SLC12A8: variants seen among roughly 807,000 people sequenced by gnomAD.
SLC12A8 encodes solute carrier family 12 member 8, also known as cation-chloride cotransporter 9.
In SLC12A8, 69 loss-of-function variants were observed where a neutral mutation model predicts 75.6. The observed-to-expected ratio is 0.91, with a 90% confidence interval of 0.75 to 1.11. SLC12A8 has a LOEUF of 1.11. Ranked by LOEUF, SLC12A8 falls within the 50% of genes most tolerant of loss-of-function variation. SLC12A8 has a pLI of 0.00. For synonymous variants in SLC12A8, 365 were observed against 372.8 expected (o/e 0.98, Z 0.24); for missense variants, 877 against 896.7 (o/e 0.98, Z 0.28).
At chr3:125,111,638 AC>A (rs1456903669) in intron 8 of SLC12A8, among the ~76,000 whole-genome samples, 1 of 151,930 alleles carries the variant, frequency 6.6e-6, no homozygotes, top group Non-Finnish European at 1.5e-5. Context: ...GGCTCTCCTC[AC>A]CCCATTTTTT....
At chr3:125,199,366 T>C (rs535900181) in intron 2 of SLC12A8, among the ~76,000 whole-genome samples, 3 of 152,176 alleles carry the variant, frequency 2.0e-5, no homozygotes, top group Non-Finnish European at 1.5e-5. Flanking sequence ...TTTCTGTAAG[T>C]GTAAAATTTT....
chr3:125,110,073 C>A, intron 9 of SLC12A8, 116 bp downstream of exon 9: 2 of 1,140,464 alleles, frequency 1.8e-6, no homozygotes, highest in Admixed American at 2.2e-5. Flanking sequence ...CTGTGTCACC[C>A]CAAAGAAATT....
chr3:125,083,626 G>C lies in SLC12A8; in HGVS notation c.*264C>G. On this transcript the variant is annotated 3_prime_UTR_variant, in exon 14 of 14. Coordinates refer to ENST00000469902, the MANE Select transcript of SLC12A8 (RefSeq NM_024628.6). The stretch of plus-strand genomic sequence containing the variant: ...AATCCCAGCTACTCAGGAGGCTGAG[G>C]CAGGAGAATTGCTTGAACTCGGGAA... The C allele has an allele frequency of 2.9e-6, 1 of 341,448 alleles. No homozygotes were observed. The highest frequency in any genetic ancestry group is 5.5e-6 in the Non-Finnish European group (1 of 183,292). The allele number at this position is 341,448 out of a possible 1,614,324, so 21.2% of individuals were successfully genotyped here. A position where few individuals can be genotyped will look rare whatever the true frequency, so the allele number is the denominator to read the frequency against.
At chr3:125,135,808 G>C (rs373066103) in intron 5 of SLC12A8, 26 bp from the exon 6 acceptor site, 1 of 1,367,576 alleles carries the variant, frequency 7.3e-7, no homozygotes, top group Non-Finnish European at 1.0e-6. Context: ...GGAGAGCAAC[G>C]TAAGCCCAGT....
Position 125,132,466 on chromosome 3 carries a change from G to C in SLC12A8, c.736+3203C>G, listed in dbSNP as rs138072280. Among the ~76,000 whole-genome samples, 34 of 152,266 alleles carry C rather than the reference G, an allele frequency of 2.2e-4. No homozygotes were observed. The East Asian group carries it at 6.4e-3, about 28-fold the overall frequency. On this transcript the variant is annotated intron_variant, in intron 6 of 13. Coordinates refer to ENST00000469902, the MANE Select transcript of SLC12A8 (RefSeq NM_024628.6). ...TGGTAGACATAAGGAGAAGTAGAGA[G>C]AATCTAGCAACTCTTAGGAGGTAAA...
At chr3:125,127,916 C>T (rs888251926) in intron 6 of SLC12A8, among the ~76,000 whole-genome samples, 2 of 151,794 alleles carry the variant, frequency 1.3e-5, no homozygotes, top group African/African-American at 2.4e-5. Flanking sequence ...ATCACTTTGT[C>T]GCCAGATTGG....
chr3:125,125,134 T>TA (rs1933166177), intron 6 of SLC12A8, among the ~76,000 whole-genome samples: 1 of 151,518 alleles, frequency 6.6e-6, no homozygotes, highest in South Asian at 2.1e-4. Flanking sequence ...TTTTTTTTTT[T>TA]AAAGAAATGA....
At chr3:125,125,468 A>G (rs1394755808) in intron 6 of SLC12A8, among the ~76,000 whole-genome samples, 1 of 152,208 alleles carries the variant, frequency 6.6e-6, no homozygotes, top group Non-Finnish European at 1.5e-5. Context: ...CTGAGGCAGG[A>G]AAATCGCTTG....
At chr3:125,175,756 G>GA (rs11446379) in intron 5 of SLC12A8, among the ~76,000 whole-genome samples, 124,625 of 143,644 alleles carry the variant, frequency 0.87, 54,909 homozygotes, top group Non-Finnish European at 0.95. Context: ...ACATGGCCAG[G>GA]AAAAAAAAAA....
intron 6 of SLC12A8, among the ~76,000 whole-genome samples, chr3:125,130,692 T>C (rs1033215003): frequency 6.6e-6 from 1 of 152,152 alleles, no homozygotes; most frequent in Non-Finnish European, 1.5e-5. Context: ...GTCCAGCTCA[T>C]ACTCTGGGCT....
At chr3:125,165,090 C>A (rs988822114) in intron 5 of SLC12A8, among the ~76,000 whole-genome samples, 1 of 152,174 alleles carries the variant, frequency 6.6e-6, no homozygotes, top group Non-Finnish European at 1.5e-5. Context: ...GTTCCTGCAT[C>A]TTTGAGGAGG....
intron 2 of SLC12A8, among the ~76,000 whole-genome samples, chr3:125,202,207 G>A (rs1935135946): frequency 6.6e-6 from 1 of 152,224 alleles, no homozygotes; most frequent in Non-Finnish European, 1.5e-5. Flanking sequence ...ACCTCGCCCA[G>A]CCGTATGTGT....
intron 4 of SLC12A8, among the ~76,000 whole-genome samples, chr3:125,186,797 G>A (rs532866948): frequency 3.9e-5 from 6 of 152,328 alleles, no homozygotes; most frequent in East Asian, 1.9e-4. Context: ...AAATGCTCCC[G>A]GGAGCTCCTG....
At chr3:125,211,253 G>C in intron 2 of SLC12A8, 46 bp downstream of exon 2, 1 of 1,533,274 alleles carries the variant, frequency 6.5e-7, no homozygotes, top group Non-Finnish European at 9.0e-7. Context: ...GGGGATCCCC[G>C]TGCTCACAGG....
chr3:125,161,347 C>G (rs978384254), intron 5 of SLC12A8, among the ~76,000 whole-genome samples: 1 of 152,216 alleles, frequency 6.6e-6, no homozygotes, highest in Admixed American at 6.5e-5. Context: ...ATCCATATTC[C>G]TATTTCCCTA....
intron 2 of SLC12A8, among the ~76,000 whole-genome samples, chr3:125,196,354 T>C (rs1199081386): frequency 6.6e-6 from 1 of 152,232 alleles, no homozygotes; most frequent in African/African-American, 2.4e-5. Context: ...CAATTAATAT[T>C]AAATGCCAGA....
intron 5 of SLC12A8, among the ~76,000 whole-genome samples, chr3:125,150,429 A>G (rs1229569182): frequency 6.6e-6 from 1 of 152,248 alleles, no homozygotes. Flanking sequence ...TTAACCCTTT[A>G]CAGATCAATA....
chr3:125,091,301 C>T (rs1938571962), intron 12 of SLC12A8, 138 bp downstream of exon 12: 1 of 645,982 alleles, frequency 1.5e-6, no homozygotes. Context: ...CAGTTCTCCT[C>T]CTAGACTATA....
At chr3:125,141,806 A>G (rs1933647138) in intron 5 of SLC12A8, among the ~76,000 whole-genome samples, 1 of 151,834 alleles carries the variant, frequency 6.6e-6, no homozygotes, top group Non-Finnish European at 1.5e-5. Flanking sequence ...GCGAATGGAC[A>G]ATGGGAGAGG....
Sources: gnomAD v4.1 joint callset for allele counts (sites outside exome capture counted in the v4.1 genomes callset) on GRCh38, gnomAD v4.1.1 for gene constraint, MANE v1.5 for transcripts, NCBI Gene and HGNC (gene_info 2026-07-23, HGNC 2026-07-21) for gene names.